TAF3: variants seen among roughly 807,000 people sequenced by gnomAD.
The protein encoded by TAF3 is transcription initiation factor TFIID subunit 3.
Under a neutral mutation model 80.6 loss-of-function variants are expected in TAF3, and 7 were observed. That is an observed-to-expected ratio of 0.09 (90% CI 0.05 to 0.16). The LOEUF is 0.16. Among genes scored for constraint, TAF3 ranks in the 10% least tolerant of loss-of-function variants. The probability of loss-of-function intolerance (pLI) is 1.00; values close to 1 mark genes in which losing one functional copy is unlikely to be tolerated. For synonymous variants in TAF3, 444 were observed against 446.1 expected (o/e 1.00, Z 0.06); for missense variants, 921 against 1,140.2 (o/e 0.81, Z 2.77).
intron 2 of TAF3, among the ~76,000 whole-genome samples, chr10:7,899,314 G>T (rs2131169841): frequency 6.6e-6 from 1 of 152,226 alleles, no homozygotes; most frequent in South Asian, 2.1e-4. Flanking sequence ...AGGAATCGCT[G>T]CCTGGCTACT....
intron 4 of TAF3, among the ~76,000 whole-genome samples, chr10:7,981,908 A>G (rs539630046): frequency 1.3e-5 from 2 of 152,228 alleles, no homozygotes; most frequent in African/African-American, 4.8e-5. Context: ...TTTAAAATCA[A>G]TATGTATAGA....
chr10:8,007,212 AAAT>A (rs1395467466), intron 4 of TAF3, among the ~76,000 whole-genome samples: 1 of 152,208 alleles, frequency 6.6e-6, no homozygotes, highest in Non-Finnish European at 1.5e-5. Context: ...TAATTAGAAT[AAAT>A]AATATAGATC....
At chr10:7,909,488 T>C (rs1346207776) in intron 2 of TAF3, among the ~76,000 whole-genome samples, 1 of 152,188 alleles carries the variant, frequency 6.6e-6, no homozygotes, top group African/African-American at 2.4e-5. Flanking sequence ...TTGGATAAAC[T>C]AGTGTCATTG....
intron 2 of TAF3, among the ~76,000 whole-genome samples, chr10:7,957,094 T>G (rs1838143096): frequency 6.6e-6 from 1 of 152,214 alleles, no homozygotes; most frequent in African/African-American, 2.4e-5. Context: ...CATATCACTA[T>G]CAACTTTAAC....
At chr10:7,874,483 T>C (rs901743246) in intron 2 of TAF3, among the ~76,000 whole-genome samples, 3 of 152,144 alleles carry the variant, frequency 2.0e-5, no homozygotes, top group African/African-American at 7.2e-5. Context: ...CCTTTTATAC[T>C]TACCAAGGGA....
At chr10:8,013,286 T>C (rs1332030375) in intron 5 of TAF3, among the ~76,000 whole-genome samples, 1 of 152,220 alleles carries the variant, frequency 6.6e-6, no homozygotes, top group Non-Finnish European at 1.5e-5. Flanking sequence ...GCTGTCTATA[T>C]TAATTCCATG....
chr10:7,915,217 G>A (rs909366913), intron 2 of TAF3, among the ~76,000 whole-genome samples: 2 of 151,290 alleles, frequency 1.3e-5, no homozygotes, highest in African/African-American at 2.4e-5. Flanking sequence ...TGGGATTACG[G>A]GCAGGGCATG....
intron 4 of TAF3, among the ~76,000 whole-genome samples, chr10:7,994,385 G>C (rs1253584965): frequency 6.6e-6 from 1 of 151,946 alleles, no homozygotes; most frequent in African/African-American, 2.4e-5. Flanking sequence ...ATTGCTACTG[G>C]GATGTCATTA....
intron 2 of TAF3, among the ~76,000 whole-genome samples, chr10:7,846,249 G>A (rs183610902): frequency 6.6e-5 from 10 of 152,208 alleles, no homozygotes; most frequent in South Asian, 2.1e-4. Flanking sequence ...GAGCCACTGC[G>A]CCCGGCCAAA....
rs186275066 is a variant in TAF3 at position 7,974,798 on chromosome 10, G to A, written c.2233-2443G>A. Among the ~76,000 whole-genome samples, 21 of 152,128 alleles carry A rather than the reference G, an allele frequency of 1.4e-4. No individual in the cohort carries two copies. In the East Asian group the frequency reaches 1.9e-3, roughly 14 times the overall value. On this transcript the variant is annotated intron_variant, in intron 3 of 6. Coordinates refer to ENST00000344293, the MANE Select transcript of TAF3 (RefSeq NM_031923.4). ...CACATTTAAAAGTGAGATGAAGGCC[G>A]GGCACAGTGGCTCACACCCGTAATC...
chr10:8,000,653 C>T (rs548257994), intron 4 of TAF3, among the ~76,000 whole-genome samples: 15 of 152,058 alleles, frequency 9.9e-5, no homozygotes, highest in Non-Finnish European at 2.2e-4. Flanking sequence ...GTGGCACGCA[C>T]CTGTAGTCCC....
chr10:7,826,773 A>T (rs1048940204), intron 2 of TAF3, among the ~76,000 whole-genome samples: 1 of 152,222 alleles, frequency 6.6e-6, no homozygotes, highest in Non-Finnish European at 1.5e-5. Context: ...AGAAAAGGAT[A>T]TAAAATGCAA....
intron 2 of TAF3, among the ~76,000 whole-genome samples, chr10:7,933,695 G>A (rs1425299386): frequency 4.6e-5 from 7 of 152,178 alleles, no homozygotes; most frequent in Non-Finnish European, 1.0e-4. Flanking sequence ...TAGGTCTCTA[G>A]TGATGATTCT....
At chr10:7,897,403 G>C (rs1837514731) in intron 2 of TAF3, among the ~76,000 whole-genome samples, 1 of 152,180 alleles carries the variant, frequency 6.6e-6, no homozygotes, top group South Asian at 2.1e-4. Context: ...GAGAAATTCT[G>C]ATCCGTTCTG....
At chr10:7,824,672 T>G in intron 2 of TAF3, 112 bp downstream of exon 2, 3 of 1,318,162 alleles carry the variant, frequency 2.3e-6, no homozygotes, top group Non-Finnish European at 3.1e-6. Context: ...AATAGAAACA[T>G]TTACTGTTAC....
At chr10:7,873,598 AG>A (rs1435927126) in intron 2 of TAF3, among the ~76,000 whole-genome samples, 1 of 143,720 alleles carries the variant, frequency 7.0e-6, no homozygotes, top group Admixed American at 7.0e-5. Flanking sequence ...GATGTCCCCA[AG>A]GGAAGACATC....
At chr10:7,930,849 G>C (rs760742897) in intron 2 of TAF3, among the ~76,000 whole-genome samples, 1 of 151,152 alleles carries the variant, frequency 6.6e-6, no homozygotes, top group Non-Finnish European at 1.5e-5. Context: ...TTATACTTTT[G>C]TATATAAAAA....
At chr10:7,844,917 A>G (rs1224909164) in intron 2 of TAF3, among the ~76,000 whole-genome samples, 1 of 152,116 alleles carries the variant, frequency 6.6e-6, no homozygotes, top group Non-Finnish European at 1.5e-5. Context: ...CATTTTTAAT[A>G]TTTTAAAATA....
At chr10:7,980,643 A>G (rs1362676122) in intron 4 of TAF3, among the ~76,000 whole-genome samples, 2 of 152,350 alleles carry the variant, frequency 1.3e-5, no homozygotes, top group Admixed American at 1.3e-4. Context: ...ACACCTAGAG[A>G]CAACATATCC....
Sources: gnomAD v4.1 joint callset for allele counts (sites outside exome capture counted in the v4.1 genomes callset) on GRCh38, gnomAD v4.1.1 for gene constraint, MANE v1.5 for transcripts, NCBI Gene and HGNC (gene_info 2026-07-23, HGNC 2026-07-21) for gene names.